Variants in KCNH8 observed in about 807,000 individuals in gnomAD.
The protein encoded by KCNH8 is potassium voltage-gated channel subfamily H member 8.
KCNH8 carries 70 observed loss-of-function variants against 103.6 expected under a neutral mutation model. The ratio of observed to expected loss-of-function variants is 0.68; its 90% CI spans 0.56 to 0.82. The LOEUF (loss-of-function observed/expected upper bound fraction) is 0.82, where lower values mean the gene tolerates loss of function less well. KCNH8 is among the 40% of genes least tolerant of loss of function. The pLI, the probability that KCNH8 is intolerant of heterozygous loss-of-function variation, is 0.00. For synonymous variants in KCNH8, 498 were observed against 489.4 expected (o/e 1.02, Z -0.23); for missense variants, 1,217 against 1,329.9 (o/e 0.92, Z 1.32).
At chr3:19,421,678 G>A (rs2066953416) in intron 7 of KCNH8, among the ~76,000 whole-genome samples, 1 of 151,602 alleles carries the variant, frequency 6.6e-6, no homozygotes, top group African/African-American at 2.4e-5. Context: ...CCCAATTTTT[G>A]TCAATTTAAG....
At chr3:19,513,790 T>TA (rs1163152339) in intron 13 of KCNH8, among the ~76,000 whole-genome samples, 2 of 152,134 alleles carry the variant, frequency 1.3e-5, no homozygotes, top group Non-Finnish European at 2.9e-5. Context: ...GGCTAAAACT[T>TA]AGTTTTATTT....
In KCNH8 at chr3:19,364,844, A is replaced by C. The variant is rs567536249; in HGVS notation, c.811+16879A>C. 8.1e-4 allele frequency among the ~76,000 whole-genome samples: 123 copies of C among 152,276 alleles called. 1 individual carries two copies. The highest frequency in any genetic ancestry group is 2.3e-3 in the African/African-American group (97 of 41,562). On this transcript the variant is annotated intron_variant, in intron 5 of 15. Transcript: ENST00000328405. ...CAACTGTCAGTTCACGTATTGCTTC[A>C]TTAGGCTTTTCAGAATTCACTATGG...
intron 1 of KCNH8, among the ~76,000 whole-genome samples, chr3:19,253,327 G>C (rs945590045): frequency 3.3e-5 from 5 of 151,872 alleles, no homozygotes; most frequent in African/African-American, 1.2e-4. Flanking sequence ...ACATTACATG[G>C]CAGATTCAGT....
At chr3:19,174,693 T>C (rs1317896485) in intron 1 of KCNH8, among the ~76,000 whole-genome samples, 2 of 152,192 alleles carry the variant, frequency 1.3e-5, no homozygotes, top group Non-Finnish European at 2.9e-5. Flanking sequence ...GATATAATTA[T>C]AAAAGTAAAG....
chr3:19,258,943 C>CTA (rs1352620384), intron 2 of KCNH8, among the ~76,000 whole-genome samples: 203 of 53,338 alleles, frequency 3.8e-3, no homozygotes, highest in Non-Finnish European at 4.5e-3. Flanking sequence ...CTCTCTCTCT[C>CTA]TCTCTATATA....
chr3:19,424,832 CAT>C (rs2067003549), intron 7 of KCNH8, among the ~76,000 whole-genome samples: 2 of 152,050 alleles, frequency 1.3e-5, no homozygotes, highest in Non-Finnish European at 2.9e-5. Flanking sequence ...GGCCAACAAA[CAT>C]ATAAAAAAGT....
At chr3:19,314,438 T>G (rs1397849951) in intron 3 of KCNH8, among the ~76,000 whole-genome samples, 3 of 151,858 alleles carry the variant, frequency 2.0e-5, no homozygotes, top group Admixed American at 6.6e-5. Flanking sequence ...GGCATGGTGG[T>G]GAGCACCTAT....
At chr3:19,237,873 T>A (rs2064085837) in intron 1 of KCNH8, among the ~76,000 whole-genome samples, 1 of 152,086 alleles carries the variant, frequency 6.6e-6, no homozygotes, top group Admixed American at 6.6e-5. Flanking sequence ...AAGAAAAAAA[T>A]GCGATTAAAG....
At chr3:19,392,009 G>T (rs1467029223) in intron 6 of KCNH8, among the ~76,000 whole-genome samples, 1 of 151,480 alleles carries the variant, frequency 6.6e-6, no homozygotes, top group Non-Finnish European at 1.5e-5. Context: ...TTAATTTGCT[G>T]CTTTGCTACT....
intron 5 of KCNH8, among the ~76,000 whole-genome samples, chr3:19,366,886 T>G (rs1028948090): frequency 1.3e-5 from 2 of 152,094 alleles, no homozygotes; most frequent in Non-Finnish European, 2.9e-5. Context: ...TATTTTTAGA[T>G]GACAGAAAAC....
At chr3:19,488,503 CAT>C (rs906065594) in intron 11 of KCNH8, among the ~76,000 whole-genome samples, 8 of 152,208 alleles carry the variant, frequency 5.3e-5, no homozygotes, top group African/African-American at 1.7e-4. Context: ...CCATGTTAAT[CAT>C]GTGCTGATTT....
intron 3 of KCNH8, among the ~76,000 whole-genome samples, chr3:19,318,672 C>CGTGT (rs2065309550): frequency 6.7e-6 from 1 of 148,910 alleles, no homozygotes; most frequent in African/African-American, 2.5e-5. Context: ...TACACACACA[C>CGTGT]ACACACACAC....
intron 11 of KCNH8, among the ~76,000 whole-genome samples, chr3:19,505,855 CATTCTTTTTT>C (rs1276373484): frequency 5.3e-5 from 8 of 152,072 alleles, no homozygotes; most frequent in African/African-American, 7.2e-5. Flanking sequence ...AGGTTTTGTT[CATTCTTTTTT>C]ATTCTTTTTT....
At chr3:19,528,612 A>G (rs1239102766) in intron 15 of KCNH8, among the ~76,000 whole-genome samples, 3 of 152,116 alleles carry the variant, frequency 2.0e-5, no homozygotes, top group Non-Finnish European at 2.9e-5. Flanking sequence ...TACTTTTAGT[A>G]TATATACTTG....
At chr3:19,216,330 A>G (rs1447111549) in intron 1 of KCNH8, among the ~76,000 whole-genome samples, 3 of 152,232 alleles carry the variant, frequency 2.0e-5, no homozygotes, top group Non-Finnish European at 2.9e-5. Flanking sequence ...TGTTTGTGTT[A>G]CACACGTAAC....
At chr3:19,474,188 A>C (rs905758398) in intron 11 of KCNH8, among the ~76,000 whole-genome samples, 2 of 152,210 alleles carry the variant, frequency 1.3e-5, no homozygotes, top group African/African-American at 4.8e-5. Flanking sequence ...AAGTTGATGG[A>C]AATTAAATTT....
chr3:19,292,664 C>T (rs773984651), intron 3 of KCNH8, among the ~76,000 whole-genome samples: 2 of 152,152 alleles, frequency 1.3e-5, no homozygotes, highest in Admixed American at 6.6e-5. Context: ...CTGGTGGGCA[C>T]TCAGGCTCTT....
chr3:19,240,656 G>A (rs763937865), intron 1 of KCNH8, among the ~76,000 whole-genome samples: 1 of 150,854 alleles, frequency 6.6e-6, no homozygotes, highest in Non-Finnish European at 1.5e-5. Flanking sequence ...CTATTCAACT[G>A]CATACTTTAT....
chr3:19,498,191 G>A (rs1328578951), intron 11 of KCNH8, among the ~76,000 whole-genome samples: 14 of 152,040 alleles, frequency 9.2e-5, no homozygotes, highest in South Asian at 2.1e-4. Context: ...TTCTTTCTCC[G>A]TGTTGCCACT....
Sources: gnomAD v4.1 joint callset for allele counts (sites outside exome capture counted in the v4.1 genomes callset) on GRCh38, gnomAD v4.1.1 for gene constraint, MANE v1.5 for transcripts, NCBI Gene and HGNC (gene_info 2026-07-23, HGNC 2026-07-21) for gene names.